ITFG1: variants seen among roughly 807,000 people sequenced by gnomAD.
The protein encoded by ITFG1 is integrin alpha FG-GAP repeat containing 1.
ITFG1 carries 34 observed loss-of-function variants against 81.8 expected under a neutral mutation model. The ratio of observed to expected loss-of-function variants is 0.42; its 90% confidence interval spans 0.32 to 0.55. The LOEUF (loss-of-function observed/expected upper bound fraction) is 0.55. Ranked by LOEUF, ITFG1 falls within the 20% of genes least tolerant of loss-of-function variation. The pLI, the probability that ITFG1 is intolerant of heterozygous loss-of-function variation, is 0.17. For synonymous variants in ITFG1, 285 were observed against 270.6 expected (o/e 1.05, Z -0.52); for missense variants, 672 against 755.4 (o/e 0.89, Z 1.29).
intron 14 of ITFG1, among the ~76,000 whole-genome samples, chr16:47,182,867 C>CT (rs1965148486): frequency 6.6e-6 from 1 of 152,220 alleles, no homozygotes; most frequent in Non-Finnish European, 1.5e-5. Flanking sequence ...CCGGGTTCAT[C>CT]TCACTAGGGA....
intron 12 of ITFG1, among the ~76,000 whole-genome samples, chr16:47,239,064 C>T (rs543239023): frequency 3.3e-5 from 5 of 152,220 alleles, no homozygotes; most frequent in East Asian, 1.9e-4. Context: ...CATGTGAGGA[C>T]GTGGCAACAA....
chr16:47,426,254 C>A (rs897135929), intron 6 of ITFG1: 3 of 151,772 alleles, frequency 2.0e-5, no homozygotes, highest in Non-Finnish European at 4.4e-5. Context: ...GCCCTGGTGG[C>A]GGCTTACTTA....
intron 10 of ITFG1, among the ~76,000 whole-genome samples, chr16:47,273,137 T>C (rs1270793967): frequency 8.6e-5 from 13 of 151,922 alleles, no homozygotes; most frequent in Admixed American, 8.5e-4. Context: ...TTTAGTCATT[T>C]CTATATTCAG....
intron 6 of ITFG1, among the ~76,000 whole-genome samples, chr16:47,401,148 G>C (rs1022730504): frequency 5.3e-5 from 8 of 152,154 alleles, no homozygotes; most frequent in African/African-American, 1.9e-4. Context: ...GGGGTATCAG[G>C]AAGATTTGGG....
At chr16:47,287,339 C>T (rs1966873698) in intron 10 of ITFG1, among the ~76,000 whole-genome samples, 1 of 152,160 alleles carries the variant, frequency 6.6e-6, no homozygotes, top group Admixed American at 6.5e-5. Flanking sequence ...GCCCTGGCCT[C>T]CCAAAGGGGG....
At chr16:47,387,208 G>A (rs186242390) in intron 6 of ITFG1, among the ~76,000 whole-genome samples, 4 of 152,282 alleles carry the variant, frequency 2.6e-5, no homozygotes, top group African/African-American at 7.2e-5. Context: ...GACAAGGTAC[G>A]TCTCCAAAGC....
At chr16:47,371,150 T>C (rs530365604) in intron 7 of ITFG1, among the ~76,000 whole-genome samples, 6 of 152,332 alleles carry the variant, frequency 3.9e-5, no homozygotes, top group Non-Finnish European at 7.4e-5. Context: ...TGTGTACTAA[T>C]TTCAATGACT....
rs139168480 is a variant in ITFG1, at chr16:47,272,494, G to C, written c.1071-11799C>G. Among the ~76,000 whole-genome samples the C allele has an allele frequency of 8.3e-3, 1,269 of 152,130 alleles. 23 individuals carry two copies. Among genetic ancestry groups the C allele is most frequent in the African/African-American group, 0.029 (1,215 of 41,490 alleles). The stretch of plus-strand genomic sequence containing the variant: ...CACCGCAATCTCTGCCTCCCAGGTA[G>C]AAGTGATTCTCCTGCCTCAGCCTCC... On this transcript the variant is annotated intron_variant, in intron 10 of 17. Coordinates refer to ENST00000320640, the MANE Select transcript of ITFG1 (RefSeq NM_030790.5).
At position 47,227,854 on chromosome 16, in the gene ITFG1, GACTTA is replaced by G. The variant is rs1965774094; in HGVS notation, c.1375-8913_1375-8909del. Among the ~76,000 whole-genome samples, 5 of 152,172 alleles carry G rather than the reference GACTTA, an allele frequency of 3.3e-5. 1 individual carries two copies. In the South Asian group the frequency reaches 1.0e-3, roughly 32 times the overall value. On this transcript the variant is annotated intron_variant, in intron 13 of 17. Coordinates refer to ENST00000320640, the MANE Select transcript of ITFG1 (RefSeq NM_030790.5). ...AGAAAAATAGCTGACTTATAGAGTG[GACTTA>G]ACTTTTCTCAAGGGTAATTTTTAAA...
At chr16:47,351,326 T>C (rs533582736) in intron 8 of ITFG1, among the ~76,000 whole-genome samples, 23 of 152,258 alleles carry the variant, frequency 1.5e-4, no homozygotes, top group East Asian at 1.2e-3. Context: ...CGTCTCAGCC[T>C]AAAATCTCCT....
chr16:47,262,020 C>CATATAAAA (rs1229110986), intron 10 of ITFG1, among the ~76,000 whole-genome samples: 1 of 152,168 alleles, frequency 6.6e-6, no homozygotes, highest in Non-Finnish European at 1.5e-5. Flanking sequence ...TTCTTTTGTT[C>CATATAAAA]ATATAAAAAT....
At chr16:47,441,157 T>C (rs962417065) in intron 5 of ITFG1, among the ~76,000 whole-genome samples, 1 of 152,052 alleles carries the variant, frequency 6.6e-6, no homozygotes, top group African/African-American at 2.4e-5. Flanking sequence ...AGTAGACCAA[T>C]AACAGGCTCT....
chr16:47,320,972 T>C (rs9635633), intron 8 of ITFG1, among the ~76,000 whole-genome samples: 3 of 152,242 alleles, frequency 2.0e-5, no homozygotes, highest in South Asian at 2.1e-4. Flanking sequence ...TGAAAAAAAA[T>C]TGTAAATGGA....
At chr16:47,300,503 A>C (rs188751827) in intron 10 of ITFG1, among the ~76,000 whole-genome samples, 1 of 152,318 alleles carries the variant, frequency 6.6e-6, no homozygotes, top group Admixed American at 6.5e-5. Context: ...ACCTGGAGGA[A>C]CTGGAGACTA....
At chr16:47,341,870 A>G (rs1967789152) in intron 8 of ITFG1, among the ~76,000 whole-genome samples, 1 of 152,330 alleles carries the variant, frequency 6.6e-6, no homozygotes, top group African/African-American at 2.4e-5. Flanking sequence ...AACTGACTCA[A>G]GAAGAAATTA....
chr16:47,285,521 GC>G (rs1966866497), intron 10 of ITFG1, among the ~76,000 whole-genome samples: 1 of 152,186 alleles, frequency 6.6e-6, no homozygotes, highest in Non-Finnish European at 1.5e-5. Flanking sequence ...AATTTCAGAG[GC>G]CTGGGCTTGC....
At chr16:47,288,270 C>T (rs188880957) in intron 10 of ITFG1, among the ~76,000 whole-genome samples, 27 of 152,262 alleles carry the variant, frequency 1.8e-4, no homozygotes, top group Admixed American at 1.5e-3. Flanking sequence ...TTATGAATGA[C>T]AACATTTCCA....
chr16:47,305,876 G>A (rs1027654318), intron 10 of ITFG1, among the ~76,000 whole-genome samples: 1 of 152,166 alleles, frequency 6.6e-6, no homozygotes, highest in African/African-American at 2.4e-5. Context: ...TTGATAATGT[G>A]TCCAGAAAAA....
At chr16:47,419,601 CTTTTTT>C (rs34405979) in intron 6 of ITFG1, among the ~76,000 whole-genome samples, 1 of 81,984 alleles carries the variant, frequency 1.2e-5, no homozygotes, top group African/African-American at 4.6e-5. Flanking sequence ...TACTTCAGGT[CTTTTTT>C]TTTTTTTTTT....
Sources: allele counts gnomAD v4.1 joint callset (sites outside exome capture counted in the v4.1 genomes callset), GRCh38; gene constraint gnomAD v4.1.1; transcripts MANE v1.5; gene names NCBI Gene and HGNC (gene_info 2026-07-23, HGNC 2026-07-21).